The following XPO6 variants were observed in gnomAD, a reference collection of about 807,000 sequenced individuals.
XPO6 encodes the protein exportin-6.
XPO6 carries 3 observed loss-of-function variants against 130.0 expected under a neutral mutation model. The ratio of observed to expected loss-of-function variants is 0.02; its 90% CI spans 0.01 to 0.06. The LOEUF is 0.06. Among genes scored for constraint, XPO6 ranks in the 10% least tolerant of loss-of-function variants. The probability of loss-of-function intolerance (pLI) is 1.00; values close to 1 mark genes in which losing one functional copy is unlikely to be tolerated. For synonymous variants in XPO6, 524 were observed against 548.9 expected (o/e 0.95, Z 0.63); for missense variants, 970 against 1,393.0 (o/e 0.70, Z 4.83).
intron 1 of XPO6, among the ~76,000 whole-genome samples, chr16:28,186,371 A>ATTATTTTTTTTTTTTTTTTTTTTTTT (rs1237138991): frequency 2.0e-4 from 2 of 10,136 alleles, no homozygotes; most frequent in African/African-American, 8.2e-4. Context: ...TGCCCCAGTT[A>ATTATTTTTTTTTTTTTTTTTTTTTTT]TTCTTTTTTT....
intron 12 of XPO6, among the ~76,000 whole-genome samples, chr16:28,127,470 G>A (rs202099972): frequency 5.3e-5 from 8 of 152,176 alleles, no homozygotes; most frequent in Admixed American, 2.6e-4. Flanking sequence ...GTGAGTGACC[G>A]TAAATGTATG....
rs960491293 is a variant in XPO6 at position 28,153,870 on chromosome 16, T to G, written c.1098-1085A>C. ...AAACTACTACTCAGAAAAGCAAAAC[T>G]GGCCCGGAAATAAAATGTCCCATGT... On this transcript the variant is annotated intron_variant, in intron 7 of 23. Coordinates refer to ENST00000304658, the MANE Select transcript of XPO6 (RefSeq NM_015171.4). 3 of 985,288 alleles carry G rather than the reference T, an allele frequency of 3.0e-6. No individual in the cohort carries two copies. In the African/African-American group the frequency reaches 5.2e-5, roughly 17 times the overall value. 61.0% of individuals were successfully genotyped at this position (985,288 alleles called of 1,614,324 possible).
At chr16:28,151,380 A>T (rs890061974) in intron 8 of XPO6, among the ~76,000 whole-genome samples, 2 of 152,198 alleles carry the variant, frequency 1.3e-5, no homozygotes, top group African/African-American at 4.8e-5. Flanking sequence ...ACTTAACAAC[A>T]GCACAACGAA....
At chr16:28,151,868 A>C (rs2043096890) in intron 8 of XPO6, among the ~76,000 whole-genome samples, 2 of 152,166 alleles carry the variant, frequency 1.3e-5, no homozygotes, top group African/African-American at 4.8e-5. Flanking sequence ...TGTCTACCAA[A>C]AACTTTAAAA....
chr16:28,144,698 G>A (rs537632945), intron 9 of XPO6, among the ~76,000 whole-genome samples: 7 of 152,310 alleles, frequency 4.6e-5, no homozygotes, highest in Admixed American at 4.6e-4. Context: ...GTACATTTAT[G>A]GGGAAAGAGT....
intron 1 of XPO6, among the ~76,000 whole-genome samples, chr16:28,193,569 T>C (rs1226916189): frequency 6.6e-6 from 1 of 152,130 alleles, no homozygotes; most frequent in Admixed American, 6.6e-5. Context: ...GGCGAGGCAC[T>C]GGATTAGAAA....
At chr16:28,181,707 C>T (rs1490637566) in intron 1 of XPO6, among the ~76,000 whole-genome samples, 1 of 152,074 alleles carries the variant, frequency 6.6e-6, no homozygotes, top group Non-Finnish European at 1.5e-5. Flanking sequence ...TTTTTGAAGG[C>T]ATTCCAGGAG....
rs148075606 is a variant in XPO6, at chr16:28,131,800, T to C, written c.1606+534A>G. ...CTACAAATGGAAGCTATTACTATTA[T>C]TGTTATCAACAAAATAACAAAGCAA... On this transcript the variant is annotated intron_variant, in intron 12 of 23. Coordinates refer to ENST00000304658, the MANE Select transcript of XPO6 (RefSeq NM_015171.4). 2.5e-3 allele frequency among the ~76,000 whole-genome samples: 377 copies of C among 152,342 alleles called. 1 individual carries two copies. The highest frequency in any genetic ancestry group is 8.3e-3 in the African/African-American group (344 of 41,568).
chr16:28,186,374 C>CTTTTTTTTTTTTTTCTTTTT (rs2043694338), intron 1 of XPO6, among the ~76,000 whole-genome samples: 1 of 81,442 alleles, frequency 1.2e-5, no homozygotes. Flanking sequence ...CCCAGTTATT[C>CTTTTTTTTTTTTTTCTTTTT]TTTTTTTTTT....
chr16:28,189,342 C>T (rs1423030187), intron 1 of XPO6, among the ~76,000 whole-genome samples: 2 of 151,706 alleles, frequency 1.3e-5, no homozygotes, highest in African/African-American at 2.4e-5. Context: ...GTGGTGAAGC[C>T]CACTGACCCT....
In XPO6 at chr16:28,132,834, A is replaced by G. The variant is rs1319711219; in HGVS notation, c.1537-431T>C. Among the ~76,000 whole-genome samples, 1 of 152,178 alleles carries G rather than the reference A, an allele frequency of 6.6e-6. No individual in the cohort carries two copies. Among genetic ancestry groups the G allele is most frequent in the Admixed American group, 6.5e-5 (1 of 15,282 alleles). On this transcript the variant is annotated intron_variant, in intron 11 of 23. Transcript: ENST00000304658. This position sits in a 1 kb window ranked among gnomAD's most constrained non-coding sequence, Gnocchi z 4.0. ...AGCTATGCCTTATTAAGCACATGGT[A>G]AAGTGATAAGATTGGCCAAATTATT...
intron 21 of XPO6, among the ~76,000 whole-genome samples, chr16:28,104,318 C>T (rs1465780368): frequency 2.0e-5 from 3 of 152,232 alleles, no homozygotes; most frequent in Non-Finnish European, 4.4e-5. Flanking sequence ...GTGTCATGCA[C>T]TTTGTGTATG....
Position 28,177,292 on chromosome 16 carries a change from C to T in XPO6, c.135G>A (p.Trp45Ter), listed in dbSNP as rs2043548675. ...LNNFAQQIGAWRFCLYFLSST... is the reference protein window; with the variant it reads ...LNNFAQQIGA ...TGGAGAGAAAGTACAGGCAGAATCT[C>T]CAGGCTCCTATTTGCTGGGCAAAGT... The change falls in exon 3 of 24, where the codon TGG (tryptophan) becomes TGA (stop). Residue 45 changes from tryptophan to a stop codon, truncating the protein, a stop_gained. Coordinates refer to ENST00000304658, the MANE Select transcript of XPO6 (RefSeq NM_015171.4). LOFTEE classifies it high-confidence loss of function. The T allele has an allele frequency of 6.2e-7, 1 of 1,612,986 alleles. No homozygotes were observed.
chr16:28,190,728 G>A (rs1476361330), intron 1 of XPO6, among the ~76,000 whole-genome samples: 2 of 152,238 alleles, frequency 1.3e-5, no homozygotes, highest in East Asian at 3.9e-4. Flanking sequence ...GATGGTAACT[G>A]TACCATAGTC....
At chr16:28,100,146 CCTGA>C (rs1173670647) in intron 23 of XPO6, among the ~76,000 whole-genome samples, 3 of 152,292 alleles carry the variant, frequency 2.0e-5, no homozygotes, top group Non-Finnish European at 4.4e-5. Flanking sequence ...TGCCACCACA[CCTGA>C]CTAATTTTTT....
chr16:28,106,101 G>A lies in XPO6; in HGVS notation c.2726C>T (p.Pro909Leu), dbSNP rs1260165588. 1 of 1,614,188 alleles carries A rather than the reference G, an allele frequency of 6.2e-7. No individual in the cohort carries two copies. Among genetic ancestry groups the A allele is most frequent in the South Asian group, 1.1e-5 (1 of 91,090 alleles). ...VVQEPGQVFK[P>L]FLPSIIALCM... ...CAGGGCGATGATGCTGGGGAGGAAG[G>A]GCTTGAACACCTGGCCTGGCTCCTG... The change falls in exon 20 of 24, where the codon CCC (proline) becomes CTC (leucine). Residue 909 changes from proline (P) to leucine (L), a missense_variant. Pro to Leu is a moderately conservative substitution (Grantham distance 98). Coordinates refer to ENST00000304658, the MANE Select transcript of XPO6 (RefSeq NM_015171.4). The surrounding 1 kb of genome is among the most constrained non-coding windows in gnomAD (Gnocchi z 4.2).
At chr16:28,124,914 T>C (rs1244677668) in intron 13 of XPO6, among the ~76,000 whole-genome samples, 1 of 152,212 alleles carries the variant, frequency 6.6e-6, no homozygotes, top group East Asian at 1.9e-4. Context: ...TCAGGTGTCT[T>C]GGCTTTGGGC....
At chr16:28,148,436 A>C (rs767030960) in intron 8 of XPO6, among the ~76,000 whole-genome samples, 1 of 152,138 alleles carries the variant, frequency 6.6e-6, no homozygotes, top group Non-Finnish European at 1.5e-5. Flanking sequence ...TCCATTTTTG[A>C]AGTCGCCTAA....
intron 12 of XPO6, among the ~76,000 whole-genome samples, chr16:28,129,225 G>C (rs1315155894): frequency 6.6e-6 from 1 of 152,144 alleles, no homozygotes; most frequent in Non-Finnish European, 1.5e-5. Flanking sequence ...CAATCGCATG[G>C]GCAATAAATA....
Sources: allele counts gnomAD v4.1 joint callset (sites outside exome capture counted in the v4.1 genomes callset), GRCh38; gene constraint gnomAD v4.1.1; non-coding constraint Gnocchi (gnomAD v3.1); transcripts MANE v1.5; gene names NCBI Gene and HGNC (gene_info 2026-07-23, HGNC 2026-07-21).